The following SLC25A13 variants were observed in gnomAD, a reference collection of about 807,000 sequenced individuals.
SLC25A13 encodes solute carrier family 25 member 13.
In SLC25A13, 70 loss-of-function variants were observed where a neutral mutation model predicts 85.5. That is an observed-to-expected ratio of 0.82 (90% CI 0.68 to 1.00). The LOEUF is 1.00. Among genes scored for constraint, SLC25A13 ranks in the 50% least tolerant of loss-of-function variants. The pLI is 0.00. For missense variants in SLC25A13, 765 were observed against 819.8 expected, an observed-to-expected ratio of 0.93 and a Z score of 0.82; for synonymous variants, 259 against 288.7, an observed-to-expected ratio of 0.90 and a Z score of 1.04.
At chr7:96,208,749 C>T in intron 5 of SLC25A13, 89 bp downstream of exon 5, 1 of 1,455,944 alleles carries the variant, frequency 6.9e-7, no homozygotes. Flanking sequence ...TCGTCATCCG[C>T]CCACCTCGGC....
intron 3 of SLC25A13, among the ~76,000 whole-genome samples, chr7:96,245,383 C>T (rs73710253): frequency 0.013 from 1,913 of 152,166 alleles, 42 homozygotes; most frequent in African/African-American, 0.044. Flanking sequence ...AAAAATGCTC[C>T]GATCACGGCC....
chr7:96,147,414 C>T (rs895241127), intron 13 of SLC25A13, among the ~76,000 whole-genome samples: 3 of 152,284 alleles, frequency 2.0e-5, no homozygotes, highest in Non-Finnish European at 2.9e-5. Flanking sequence ...CTTTGAACAT[C>T]GTGTGTTATT....
At chr7:96,168,672 T>G (rs1260476984) in intron 13 of SLC25A13, among the ~76,000 whole-genome samples, 1 of 152,204 alleles carries the variant, frequency 6.6e-6, no homozygotes, top group East Asian at 1.9e-4. Flanking sequence ...ATCACATAAT[T>G]AATTTTACAT....
At chr7:96,285,791 G>C (rs1798862928) in intron 2 of SLC25A13, among the ~76,000 whole-genome samples, 1 of 152,094 alleles carries the variant, frequency 6.6e-6, no homozygotes. Context: ...TCACCACAGA[G>C]TTTCCTGGTG....
At chr7:96,145,050 T>C (rs1156274515) in intron 14 of SLC25A13, among the ~76,000 whole-genome samples, 2 of 152,252 alleles carry the variant, frequency 1.3e-5, no homozygotes, top group African/African-American at 4.8e-5. Flanking sequence ...ATGACAACAG[T>C]GTTTATTTTT....
intron 5 of SLC25A13, among the ~76,000 whole-genome samples, chr7:96,200,616 G>C (rs1053561262): frequency 6.6e-6 from 1 of 151,876 alleles, no homozygotes; most frequent in Non-Finnish European, 1.5e-5. Flanking sequence ...CACTGGGTGA[G>C]GCCTTTAATT....
At chr7:96,182,065 T>C (rs531067015) in intron 11 of SLC25A13, among the ~76,000 whole-genome samples, 8 of 152,352 alleles carry the variant, frequency 5.3e-5, no homozygotes, top group Admixed American at 1.3e-4. Context: ...CATTTTCATC[T>C]GATCTCTCTT....
chr7:96,189,023 C>A (rs1794740378), intron 9 of SLC25A13, among the ~76,000 whole-genome samples: 1 of 152,214 alleles, frequency 6.6e-6, no homozygotes, highest in South Asian at 2.1e-4. Context: ...GGAGAAAAGA[C>A]CTCCTTCATG....
intron 2 of SLC25A13, among the ~76,000 whole-genome samples, chr7:96,281,975 C>T (rs1206075927): frequency 1.3e-5 from 2 of 152,086 alleles, no homozygotes; most frequent in Admixed American, 1.3e-4. Context: ...TCTGCTCTCC[C>T]TGCAGCAGTG....
intron 4 of SLC25A13, among the ~76,000 whole-genome samples, chr7:96,214,161 AGTT>A (rs1478840088): frequency 6.6e-6 from 1 of 152,200 alleles, no homozygotes; most frequent in Admixed American, 6.5e-5. Context: ...ACAAAGTGGC[AGTT>A]GTTTACTTCC....
At chr7:96,122,090 T>C in intron 15 of SLC25A13, 93 bp from the exon 16 acceptor site, 1 of 1,537,508 alleles carries the variant, frequency 6.5e-7, no homozygotes, top group Middle Eastern at 1.7e-4. Flanking sequence ...GAAAGAAAGT[T>C]AAAAATCCGA....
At chr7:96,238,389 A>C (rs555423378) in intron 3 of SLC25A13, among the ~76,000 whole-genome samples, 1 of 106,976 alleles carries the variant, frequency 9.3e-6, no homozygotes, top group East Asian at 2.3e-4. Flanking sequence ...TAGGACAACT[A>C]ATTTGTTTTT....
intron 11 of SLC25A13, among the ~76,000 whole-genome samples, chr7:96,172,368 A>G (rs1432822816): frequency 6.6e-6 from 1 of 151,716 alleles, no homozygotes; most frequent in African/African-American, 2.4e-5. Context: ...GACCAGCCTG[A>G]CCAACAAGGT....
chr7:96,273,086 C>T (rs1798308615), intron 3 of SLC25A13, among the ~76,000 whole-genome samples: 1 of 152,146 alleles, frequency 6.6e-6, no homozygotes, highest in South Asian at 2.1e-4. Context: ...CACGATCCCT[C>T]CTGAGGAGAT....
intron 4 of SLC25A13, among the ~76,000 whole-genome samples, chr7:96,221,829 T>C (rs1031217962): frequency 6.6e-6 from 1 of 152,186 alleles, no homozygotes; most frequent in Admixed American, 6.5e-5. Flanking sequence ...AATTTCATCA[T>C]AGCAGGTGTT....
At chr7:96,270,735 C>T (rs180921325) in intron 3 of SLC25A13, among the ~76,000 whole-genome samples, 12 of 152,122 alleles carry the variant, frequency 7.9e-5, no homozygotes, top group Admixed American at 7.2e-4. Context: ...AATAAATAAA[C>T]AAAACAAATT....
intron 1 of SLC25A13, among the ~76,000 whole-genome samples, chr7:96,305,371 A>G (rs1427793710): frequency 6.6e-6 from 1 of 152,244 alleles, no homozygotes; most frequent in Non-Finnish European, 1.5e-5. Context: ...ATTTGGCATT[A>G]TGATTCATAA....
intron 1 of SLC25A13, among the ~76,000 whole-genome samples, chr7:96,311,345 C>T (rs1799941028): frequency 6.6e-6 from 1 of 152,108 alleles, no homozygotes; most frequent in Non-Finnish European, 1.5e-5. Context: ...CTCTAAGCAC[C>T]ATCTAGGAAG....
At chr7:96,219,900 T>TCA in intron 4 of SLC25A13, 1 of 358,334 alleles carries the variant, frequency 2.8e-6, no homozygotes, top group Admixed American at 3.2e-5. Flanking sequence ...TAACCATCTG[T>TCA]CACACACACT....
Sources: gnomAD v4.1 joint callset for allele counts (sites outside exome capture counted in the v4.1 genomes callset) on GRCh38, gnomAD v4.1.1 for gene constraint, MANE v1.5 for transcripts, NCBI Gene and HGNC (gene_info 2026-07-23, HGNC 2026-07-21) for gene names.